UCHL3: variants seen among roughly 807,000 people sequenced by gnomAD.
The protein encoded by UCHL3 is ubiquitin carboxyl-terminal hydrolase isozyme L3.
A neutral mutation model predicts 35.8 loss-of-function variants in UCHL3; 22 were observed. The observed-to-expected ratio is 0.61, with a 90% CI of 0.44 to 0.88. UCHL3 has a LOEUF of 0.88. Among genes scored for constraint, UCHL3 ranks in the 40% least tolerant of loss-of-function variants. The probability of loss-of-function intolerance (pLI) is 0.00; values close to 1 mark genes in which losing one functional copy is unlikely to be tolerated. For missense variants in UCHL3, 229 were observed against 276.9 expected (o/e 0.83, Z 1.23); for synonymous variants, 90 against 92.8 (o/e 0.97, Z 0.17).
At chr13:75,557,130 C>T (rs2031319340) in intron 2 of UCHL3, among the ~76,000 whole-genome samples, 1 of 151,908 alleles carries the variant, frequency 6.6e-6, no homozygotes, top group African/African-American at 2.4e-5. Flanking sequence ...CAGGAGGATT[C>T]CTTCAGCTCA....
Position 75,566,858 on chromosome 13 carries a change from G to T in UCHL3, c.340+7G>T. On this transcript the variant is annotated splice_region_variant and intron_variant, in intron 4 of 8. Transcript: ENST00000377595. ...AAAGACAAGATGCACTTTGGTAAAT[G>T]ATTTTTCATTACTGCATTTTTTCCC... is the stretch of plus-strand genomic sequence containing the variant. 1 of 1,581,816 alleles carries T rather than the reference G, an allele frequency of 6.3e-7. No homozygotes were observed. Among genetic ancestry groups the T allele is most frequent in the South Asian group, 1.2e-5 (1 of 85,708 alleles).
chr13:75,570,753 A>G (rs2031829082), intron 6 of UCHL3, among the ~76,000 whole-genome samples: 1 of 152,150 alleles, frequency 6.6e-6, no homozygotes. Flanking sequence ...TACAAAGAGT[A>G]ATAAAAATTA....
chr13:75,589,091 CTTGGTCACT>C (rs1488590695), intron 6 of UCHL3, among the ~76,000 whole-genome samples: 4 of 152,124 alleles, frequency 2.6e-5, no homozygotes, highest in African/African-American at 9.7e-5. Context: ...ACATATTTTT[CTTGGTCACT>C]TTGGGTTTAC....
At chr13:75,568,316 G>T (rs1392393671) in intron 5 of UCHL3, among the ~76,000 whole-genome samples, 2 of 151,772 alleles carry the variant, frequency 1.3e-5, no homozygotes, top group East Asian at 3.9e-4. Flanking sequence ...TGATTATGTT[G>T]TTATGCATTC....
At chr13:75,570,474 G>C (rs112109558) in intron 6 of UCHL3, among the ~76,000 whole-genome samples, 5 of 152,216 alleles carry the variant, frequency 3.3e-5, no homozygotes, top group African/African-American at 9.6e-5. Flanking sequence ...CTGACCTTGT[G>C]ATCCACCTGT....
At chr13:75,549,766 G>C, upstream of UCHL3, 3 of 1,032,864 alleles carry the variant, frequency 2.9e-6, no homozygotes, top group South Asian at 6.4e-5. Flanking sequence ...GGGCGGAAGC[G>C]GCGGCGGCGG....
intron 7 of UCHL3, among the ~76,000 whole-genome samples, chr13:75,602,941 T>C (rs1393569175): frequency 6.6e-6 from 1 of 152,178 alleles, no homozygotes; most frequent in Non-Finnish European, 1.5e-5. Context: ...AACAGCTGCA[T>C]TCAAAGGAAA....
rs1222494188 is a variant in UCHL3 at position 75,566,819 on chromosome 13, C to G, written c.308C>G (p.Ala103Gly). ...NACGTIGLIH[A>G]IANNKDKMHF... is the part of the protein sequence containing the mutation. ...TGTGGAACAATTGGACTGATTCATGCTATTGCAAACAATAAAGACAAGATG... is the reference window on the plus strand; with the variant it reads ...TGTGGAACAATTGGACTGATTCATGGTATTGCAAACAATAAAGACAAGATG... The change falls in exon 4 of 9, where the codon GCT becomes GGT. Residue 103 changes from alanine to glycine, a missense_variant. Physicochemically the swap from Ala to Gly is moderately conservative, Grantham distance 60. Transcript: ENST00000377595. 1 of 1,602,860 alleles carries G rather than the reference C, an allele frequency of 6.2e-7. No individual in the cohort carries two copies. Among genetic ancestry groups the G allele is most frequent in the South Asian group, 1.1e-5 (1 of 88,352 alleles).
At chr13:75,587,104 C>T (rs1294706608) in intron 6 of UCHL3, among the ~76,000 whole-genome samples, 2 of 149,766 alleles carry the variant, frequency 1.3e-5, no homozygotes, top group Non-Finnish European at 3.0e-5. Flanking sequence ...CAATGAAATT[C>T]ATTACTGTAG....
intron 6 of UCHL3, among the ~76,000 whole-genome samples, chr13:75,592,128 T>C (rs1417967265): frequency 1.3e-5 from 2 of 151,920 alleles, no homozygotes; most frequent in Non-Finnish European, 2.9e-5. Context: ...GTGTATATTT[T>C]AATGTGACAT....
At chr13:75,582,617 T>C (rs2032217503) in intron 6 of UCHL3, among the ~76,000 whole-genome samples, 1 of 152,248 alleles carries the variant, frequency 6.6e-6, no homozygotes. Flanking sequence ...TTAAGACTTT[T>C]ATGAAAGATT....
chr13:75,595,341 G>T (rs2032615440), intron 7 of UCHL3, among the ~76,000 whole-genome samples: 1 of 151,944 alleles, frequency 6.6e-6, no homozygotes, highest in Admixed American at 6.6e-5. Flanking sequence ...AGTTTTAAAA[G>T]ATAGTGTAAT....
intron 6 of UCHL3, among the ~76,000 whole-genome samples, chr13:75,592,469 A>AGCCC (rs2032537409): frequency 5.5e-5 from 1 of 18,288 alleles, no homozygotes. Context: ...TATATATATG[A>AGCCC]AGGAAAAAAG....
chr13:75,549,577 G>T (rs2030995553), upstream of UCHL3: 1 of 457,910 alleles, frequency 2.2e-6, no homozygotes, highest in South Asian at 5.2e-5. Flanking sequence ...TTTTTCTCCC[G>T]AAATAGGAAA....
intron 5 of UCHL3, among the ~76,000 whole-genome samples, chr13:75,568,700 T>C (rs1320694088): frequency 6.6e-6 from 1 of 152,006 alleles, no homozygotes. Context: ...TAATAAATAC[T>C]GCAAGGTACA....
At chr13:75,586,057 C>G (rs1023778733) in intron 6 of UCHL3, among the ~76,000 whole-genome samples, 1 of 151,896 alleles carries the variant, frequency 6.6e-6, no homozygotes, top group Non-Finnish European at 1.5e-5. Context: ...TGTCTATAAA[C>G]CCTCAAATTG....
Position 75,560,773 on chromosome 13 carries a change from A to G in UCHL3, c.75A>G (p.Leu25=). Residue 25 remains leucine (L), a synonymous_variant, in exon 3 of 9, where the codon CTA becomes CTG. Coordinates refer to ENST00000377595, the MANE Select transcript of UCHL3 (RefSeq NM_006002.5). ...VTNQFLKQLG[L]HPNWQFVDVY... is the part of the protein sequence containing the mutation. Reference sequence around the variant, plus strand: ...ACCAGTTTCTTAAACAATTAGGTCTACATCCTAACTGGCAATTCGTTGATG... The same window carrying G: ...ACCAGTTTCTTAAACAATTAGGTCTGCATCCTAACTGGCAATTCGTTGATG... The G allele has an allele frequency of 1.9e-6, 3 of 1,599,838 alleles. No individual in the cohort carries two copies. The highest frequency in any genetic ancestry group is 1.7e-4 in the Middle Eastern group (1 of 5,976).
At chr13:75,559,572 C>T (rs1682583970) in intron 2 of UCHL3, among the ~76,000 whole-genome samples, 1 of 152,176 alleles carries the variant, frequency 6.6e-6, no homozygotes, top group African/African-American at 2.4e-5. Flanking sequence ...TCTTACAAAA[C>T]TCAAATGCAT....
At chr13:75,600,380 G>T (rs969288952) in intron 7 of UCHL3, among the ~76,000 whole-genome samples, 1 of 152,196 alleles carries the variant, frequency 6.6e-6, no homozygotes, top group African/African-American at 2.4e-5. Context: ...AGCTAGAGAG[G>T]AGATGTCAAC....
Sources: gnomAD v4.1 joint callset for allele counts (sites outside exome capture counted in the v4.1 genomes callset) on GRCh38, gnomAD v4.1.1 for gene constraint, MANE v1.5 for transcripts, NCBI Gene and HGNC (gene_info 2026-07-23, HGNC 2026-07-21) for gene names.